The following ARVCF variants were observed in gnomAD, a reference collection of about 807,000 sequenced individuals.
The protein encoded by ARVCF is ARVCF delta catenin family member, also known as splicing regulator ARVCF.
In ARVCF, 66 loss-of-function variants were observed where a neutral mutation model predicts 90.9. The ratio of observed to expected loss-of-function variants is 0.73; its 90% CI spans 0.60 to 0.89. The LOEUF (loss-of-function observed/expected upper bound fraction) is 0.89. ARVCF is among the 40% of genes least tolerant of loss of function. ARVCF has a pLI of 0.00. For synonymous variants in ARVCF, 653 were observed against 603.4 expected (o/e 1.08, Z -1.21); for missense variants, 1,469 against 1,382.3 (o/e 1.06, Z -1.00).
downstream of ARVCF, among the ~76,000 whole-genome samples, chr22:19,966,460 AAGAC>A (rs908352713): frequency 6.0e-5 from 9 of 150,208 alleles, no homozygotes; most frequent in African/African-American, 1.5e-4. Flanking sequence ...AAAAAAGAAA[AAGAC>A]AGAGTCTTGC....
intron 2 of ARVCF, among the ~76,000 whole-genome samples, chr22:19,995,511 G>A (rs1354307846): frequency 6.6e-6 from 1 of 152,160 alleles, no homozygotes; most frequent in African/African-American, 2.4e-5. Context: ...TCAGGAACAC[G>A]AAGGCATGGT....
In ARVCF at chr22:19,971,290, C is replaced by G. The variant is rs371704171; in HGVS notation, c.2827G>C (p.Ala943Pro). 6.4e-7 allele frequency: 1 copy of G among 1,556,968 alleles called. No homozygotes were observed. The highest frequency in any genetic ancestry group is 1.4e-5 in the African/African-American group (1 of 73,602). ...CCTACGGCGTCCACCAGCCTGACCG[C>G]GGGCCTGCTGGGCCCGGGGGGAGGG... Reference protein sequence around the residue: ...KAPPPGPSRPAVRLVDAVGDA... With the variant: ...KAPPPGPSRPPVRLVDAVGDA... The change falls in exon 19 of 20, where the codon GCG becomes CCG. Residue 943 changes from alanine to proline, a missense_variant. Ala to Pro is a conservative substitution (Grantham distance 27). Coordinates refer to ENST00000263207, the MANE Select transcript of ARVCF (RefSeq NM_001670.3).
At chr22:19,991,572 G>A (rs934321864) in intron 2 of ARVCF, among the ~76,000 whole-genome samples, 16 of 152,366 alleles carry the variant, frequency 1.1e-4, no homozygotes, top group African/African-American at 3.4e-4. Context: ...AAAGGGCAGG[G>A]GCCAGGCATC....
intron 6 of ARVCF, chr22:19,979,337 G>A: frequency 1.8e-6 from 1 of 543,962 alleles, no homozygotes; most frequent in Non-Finnish European, 3.3e-6. Context: ...CCATGTGGCA[G>A]GTGGCACTAA....
rs576035228 is a variant in ARVCF, at chr22:20,013,883, C to A, written c.-73+2706G>T. On this transcript the variant is annotated intron_variant, in intron 1 of 19. Coordinates refer to ENST00000263207, the MANE Select transcript of ARVCF (RefSeq NM_001670.3). ...TGTTTTTTTGTGGGTATTTTTTTTTCTTTTTTTGAGACGGAGTCTCACCCT... is the reference window on the plus strand; with the variant it reads ...TGTTTTTTTGTGGGTATTTTTTTTTATTTTTTTGAGACGGAGTCTCACCCT... 5.3e-5 allele frequency among the ~76,000 whole-genome samples: 8 copies of A among 151,178 alleles called. No individual in the cohort carries two copies. In the South Asian group the frequency reaches 6.2e-4, roughly 12 times the overall value.
intron 2 of ARVCF, among the ~76,000 whole-genome samples, chr22:20,004,761 C>T (rs1944561212): frequency 6.6e-6 from 1 of 152,132 alleles, no homozygotes; most frequent in African/African-American, 2.4e-5. Context: ...GGTCAAATGA[C>T]CTTCAATAAA....
intron 3 of ARVCF, among the ~76,000 whole-genome samples, chr22:19,985,807 G>T (rs897242033): frequency 6.6e-6 from 1 of 152,214 alleles, no homozygotes; most frequent in Non-Finnish European, 1.5e-5. Context: ...AATGAGTTAA[G>T]GTGAGATTGC....
intron 13 of ARVCF, 87 bp from the exon 14 acceptor site, chr22:19,973,404 C>G: frequency 1.4e-6 from 2 of 1,456,740 alleles, no homozygotes; most frequent in African/African-American, 1.4e-5. Context: ...AGGGGCACTG[C>G]CAGGAGAGCC....
At chr22:19,966,449 A>G (rs964704336), downstream of ARVCF, among the ~76,000 whole-genome samples, 3 of 151,368 alleles carry the variant, frequency 2.0e-5, no homozygotes, top group Non-Finnish European at 2.9e-5. Context: ...AAAAAAAAAA[A>G]AAAAAAGAAA....
At chr22:19,989,282 G>A (rs1332173109) in intron 3 of ARVCF, among the ~76,000 whole-genome samples, 2 of 152,028 alleles carry the variant, frequency 1.3e-5, no homozygotes, top group Admixed American at 1.3e-4. Flanking sequence ...AGTGAGTCTC[G>A]GACCCTCTGG....
chr22:19,972,463 G>A (rs1395266418), intron 16 of ARVCF, 52 bp from the exon 17 acceptor site: 2 of 1,608,242 alleles, frequency 1.2e-6, no homozygotes, highest in Non-Finnish European at 1.7e-6. Context: ...GGGGGGATCG[G>A]GGCAGAGAAG....
At chr22:20,015,945 G>A (rs1453383029) in intron 1 of ARVCF, among the ~76,000 whole-genome samples, 1 of 131,046 alleles carries the variant, frequency 7.6e-6, no homozygotes, top group Non-Finnish European at 1.6e-5. Context: ...ACCTGCCCAG[G>A]GCGACTCCCC....
In ARVCF at chr22:19,971,268, A is replaced by G; in HGVS notation, c.2849T>C (p.Val950Ala). The G allele has an allele frequency of 6.4e-7, 1 of 1,556,402 alleles. No homozygotes were observed. Among genetic ancestry groups the G allele is most frequent in the Middle Eastern group, 1.7e-4 (1 of 6,000 alleles). The change falls in exon 19 of 20, where the codon GTA (valine) becomes GCA (alanine). Residue 950 changes from valine (V) to alanine (A), a missense_variant. Val to Ala is a moderately conservative substitution (Grantham distance 64, BLOSUM62 0). Coordinates refer to ENST00000263207, the MANE Select transcript of ARVCF (RefSeq NM_001670.3). ...SRPAVRLVDA[V>A]GDAKPQPVDS... The stretch of plus-strand genomic sequence containing the variant: ...AACGGGCTGAGGCTTAGCGTCCCCT[A>G]CGGCGTCCACCAGCCTGACCGCGGG...
intron 8 of ARVCF, 38 bp downstream of exon 8, chr22:19,977,920 C>T (rs772086134): frequency 6.4e-7 from 1 of 1,565,062 alleles, no homozygotes; most frequent in Non-Finnish European, 8.7e-7. Context: ...GATCGTCTCT[C>T]CAGCCCTTGG....
intron 5 of ARVCF, 50 bp from the exon 6 acceptor site, chr22:19,980,292 C>G: frequency 1.3e-6 from 2 of 1,488,104 alleles, no homozygotes; most frequent in Non-Finnish European, 1.8e-6. Context: ...GCCGCCAGCC[C>G]TGCCTCTGAG....
chr22:19,981,858 A>G, intron 4 of ARVCF, 75 bp downstream of exon 4: 1 of 1,573,900 alleles, frequency 6.4e-7, no homozygotes, highest in Middle Eastern at 1.7e-4. Context: ...GCAAGCTTCC[A>G]TGTCCACTCT....
intron 18 of ARVCF, 58 bp downstream of exon 18, chr22:19,971,828 G>C (rs376935202): frequency 4.2e-5 from 67 of 1,586,380 alleles, no homozygotes; most frequent in Non-Finnish European, 5.3e-5. Context: ...CTGCTCTCCA[G>C]CAACCCCTAG....
At chr22:20,007,386 A>G (rs1460981589) in intron 2 of ARVCF, among the ~76,000 whole-genome samples, 1 of 152,274 alleles carries the variant, frequency 6.6e-6, no homozygotes, top group African/African-American at 2.4e-5. Flanking sequence ...TGGGTGACAG[A>G]GCGAGACTCC....
chr22:19,967,905 T>C (rs1601544219), downstream of ARVCF, among the ~76,000 whole-genome samples: 1 of 152,256 alleles, frequency 6.6e-6, no homozygotes, highest in Non-Finnish European at 1.5e-5. Context: ...CCACGGGCCA[T>C]GCCCTATGGC....
Sources: gnomAD v4.1 joint callset for allele counts (sites outside exome capture counted in the v4.1 genomes callset) on GRCh38, gnomAD v4.1.1 for gene constraint, MANE v1.5 for transcripts, NCBI Gene and HGNC (gene_info 2026-07-23, HGNC 2026-07-21) for gene names.